ZNF487: variants seen among roughly 807,000 people sequenced by gnomAD.
The protein encoded by ZNF487 is zinc finger protein 487, also known as KRAB domain only 1.
In ZNF487, 4 loss-of-function variants were observed where a neutral mutation model predicts 3.0. The observed-to-expected ratio is 1.35, with a 90% CI of 0.66 to 3.08. The LOEUF (loss-of-function observed/expected upper bound fraction) is 3.08, where lower values mean the gene tolerates loss of function less well. ZNF487 is among the 30% of genes most tolerant of loss of function. ZNF487 has a pLI of 0.01. For synonymous variants in ZNF487, 55 were observed against 34.6 expected, an observed-to-expected ratio of 1.59 and a Z score of -2.06; for missense variants, 146 against 98.7, an observed-to-expected ratio of 1.48 and a Z score of -2.03.
intron 1 of ZNF487, among the ~76,000 whole-genome samples, chr10:43,471,646 C>G (rs984226579): frequency 2.6e-5 from 4 of 152,138 alleles, no homozygotes; most frequent in African/African-American, 9.7e-5. Flanking sequence ...GGAAAGGGGA[C>G]GGGAAGGGCA....
chr10:43,442,184 A>G (rs1020850502), intron 1 of ZNF487, among the ~76,000 whole-genome samples: 1 of 152,028 alleles, frequency 6.6e-6, no homozygotes, highest in Non-Finnish European at 1.5e-5. Context: ...GAGCTATAGT[A>G]ACACCACTAA....
chr10:43,498,124 T>A, the ZNF487 span, among the ~76,000 whole-genome samples: 532 of 30,540 alleles, frequency 0.017, 20 homozygotes, highest in South Asian at 0.024. Flanking sequence ...CTTTTTTTTT[T>A]TTTTTTTTTT....
In ZNF487 at chr10:43,437,133, A is replaced by T. The variant is rs1839415632; in HGVS notation, c.-223A>T. The T allele has an allele frequency of 3.4e-6, 1 of 298,284 alleles. No homozygotes were observed. The highest frequency in any genetic ancestry group is 6.6e-6 in the Non-Finnish European group (1 of 152,260). The allele number at this position is 298,284 out of a possible 1,614,324, so 18.5% of individuals were successfully genotyped here. Reference sequence around the variant, plus strand: ...CCCAGGGAGCGCTGCGGCAGTTTCCATGGTGAGATGGTCAACAAGCCTGTA... The same window carrying T: ...CCCAGGGAGCGCTGCGGCAGTTTCCTTGGTGAGATGGTCAACAAGCCTGTA... On this transcript the variant is annotated 5_prime_UTR_variant, in exon 1 of 4. The change abolishes an upstream ATG in the 5' untranslated region. Coordinates refer to ENST00000437590, the MANE Select transcript of ZNF487 (RefSeq NM_001355444.3).
At chr10:43,463,887 T>G (rs1188903759) in intron 1 of ZNF487, among the ~76,000 whole-genome samples, 1 of 152,056 alleles carries the variant, frequency 6.6e-6, no homozygotes, top group Non-Finnish European at 1.5e-5. Context: ...AATTAACAAA[T>G]GTTGCCTGTG....
At chr10:43,448,949 G>C (rs989530039) in intron 1 of ZNF487, among the ~76,000 whole-genome samples, 5 of 147,984 alleles carry the variant, frequency 3.4e-5, no homozygotes, top group African/African-American at 1.3e-4. Context: ...AGCTCTGATT[G>C]CATCACTGCA....
At chr10:43,438,636 A>G (rs531486457) in intron 1 of ZNF487, among the ~76,000 whole-genome samples, 6 of 152,216 alleles carry the variant, frequency 3.9e-5, no homozygotes, top group Non-Finnish European at 8.8e-5. Context: ...TCTGAATCCA[A>G]GAGAAATGAA....
chr10:43,504,296 T>TC, the ZNF487 span, among the ~76,000 whole-genome samples: 59 of 125,918 alleles, frequency 4.7e-4, no homozygotes, highest in Middle Eastern at 4.0e-3. Flanking sequence ...TTTCTTTCTT[T>TC]TTTTTTTTTT....
At chr10:43,503,954 A>G in the ZNF487 span, among the ~76,000 whole-genome samples, 1 of 152,180 alleles carries the variant, frequency 6.6e-6, no homozygotes, top group Non-Finnish European at 1.5e-5. Context: ...TTCTATGTTT[A>G]GACACACAAA....
chr10:43,512,282 T>G, the ZNF487 span, among the ~76,000 whole-genome samples: 1 of 152,034 alleles, frequency 6.6e-6, no homozygotes, highest in Non-Finnish European at 1.5e-5. Flanking sequence ...GTGGCAGGAG[T>G]GGAGACCATG....
intron 1 of ZNF487, among the ~76,000 whole-genome samples, chr10:43,464,689 G>A (rs1299223100): frequency 1.3e-5 from 2 of 152,202 alleles, no homozygotes; most frequent in Non-Finnish European, 2.9e-5. Context: ...AGGGTTGGGG[G>A]TAAGGTCATA....
downstream of ZNF487, among the ~76,000 whole-genome samples, chr10:43,484,127 C>G (rs556870183): frequency 7.2e-5 from 11 of 152,062 alleles, no homozygotes; most frequent in Non-Finnish European, 1.3e-4. Flanking sequence ...CTTTGGCCCC[C>G]CAAAGTGCTG....
the ZNF487 span, among the ~76,000 whole-genome samples, chr10:43,520,719 A>T: frequency 6.6e-5 from 10 of 152,384 alleles, no homozygotes; most frequent in South Asian, 2.1e-3. Context: ...TTATGGGATA[A>T]TAGCTATTTC....
chr10:43,493,709 A>AAAAAAAAAAAT, the ZNF487 span, among the ~76,000 whole-genome samples: 2 of 43,716 alleles, frequency 4.6e-5, no homozygotes, highest in Non-Finnish European at 8.0e-5. Context: ...AAAAAAAAAA[A>AAAAAAAAAAAT]ATATATATAT....
At chr10:43,437,304 G>C (rs574588682) in intron 1 of ZNF487, 42 bp downstream of exon 1, 2 of 197,750 alleles carry the variant, frequency 1.0e-5, no homozygotes, top group Admixed American at 6.3e-5. Context: ...CTGAGGTCGA[G>C]GGCCGCACAC....
intron 1 of ZNF487, among the ~76,000 whole-genome samples, chr10:43,465,334 G>A (rs1840648363): frequency 1.3e-5 from 2 of 150,630 alleles, no homozygotes; most frequent in South Asian, 2.1e-4. Context: ...GGGCGGAGAC[G>A]CTCCTCACTT....
At chr10:43,499,583 T>G in the ZNF487 span, among the ~76,000 whole-genome samples, 6 of 151,804 alleles carry the variant, frequency 4.0e-5, no homozygotes, top group Admixed American at 2.0e-4. Context: ...AAACCCCATT[T>G]CTATAAAAAA....
intron 1 of ZNF487, chr10:43,454,126 C>T (rs1364112765): frequency 1.3e-5 from 2 of 152,090 alleles, no homozygotes; most frequent in African/African-American, 4.8e-5. Flanking sequence ...GATCTCAGCT[C>T]ATTGCAACTT....
At chr10:43,458,683 TAG>T (rs1290934735) in intron 1 of ZNF487, among the ~76,000 whole-genome samples, 3 of 151,810 alleles carry the variant, frequency 2.0e-5, no homozygotes, top group African/African-American at 4.8e-5. Flanking sequence ...GATGACTTAG[TAG>T]AGAGTCTTCA....
At chr10:43,499,689 C>T in the ZNF487 span, among the ~76,000 whole-genome samples, 82 of 151,446 alleles carry the variant, frequency 5.4e-4, 1 homozygote, top group Middle Eastern at 6.8e-3. Context: ...CAGTCAAGGC[C>T]GCAGTGAGCG....
Sources: allele counts gnomAD v4.1 joint callset (sites outside exome capture counted in the v4.1 genomes callset), GRCh38; gene constraint gnomAD v4.1.1; transcripts MANE v1.5; gene names NCBI Gene and HGNC (gene_info 2026-07-23, HGNC 2026-07-21).